NUP98: variants seen among roughly 807,000 people sequenced by gnomAD.
NUP98 encodes nucleoporin 98 and 96 precursor.
A neutral mutation model predicts 191.9 loss-of-function variants in NUP98; 26 were observed. The ratio of observed to expected loss-of-function variants is 0.14; its 90% CI spans 0.10 to 0.19. The LOEUF (loss-of-function observed/expected upper bound fraction) is 0.19, where lower values mean the gene tolerates loss of function less well. NUP98 is among the 10% of genes least tolerant of loss of function. The pLI, the probability that NUP98 is intolerant of heterozygous loss-of-function variation, is 1.00. For synonymous variants in NUP98, 808 were observed against 778.4 expected, an observed-to-expected ratio of 1.04 and a Z score of -0.63; for missense variants, 1,941 against 2,178.8, an observed-to-expected ratio of 0.89 and a Z score of 2.17.
rs943355357 is a variant in NUP98, at chr11:3,712,594, A to C, written c.2712T>G (p.Ala904=). Residue 904 remains alanine (A), a synonymous_variant, in exon 20 of 33, where the codon GCT becomes GCG. Transcript: ENST00000324932. ...GTGGAGGTGCAGGTTTGCCATTAAG[A>C]GCCATCTGCAAGGGCGTAGTCTGGC... ...PASQTTPLQM[A]LNGKPAPPPQ... is the part of the protein sequence containing the mutation. The C allele has an allele frequency of 6.2e-7, 1 of 1,614,090 alleles. No individual in the cohort carries two copies. Among genetic ancestry groups the C allele is most frequent in the East Asian group, 2.2e-5 (1 of 44,884 alleles).
chr11:3,754,358 G>A (rs977796060), intron 10 of NUP98, among the ~76,000 whole-genome samples: 13 of 151,890 alleles, frequency 8.6e-5, no homozygotes, highest in Non-Finnish European at 1.5e-4. Context: ...CCCGGGAGAC[G>A]GGGGTTGCAG....
chr11:3,766,153 T>C lies in NUP98; in HGVS notation c.948+2428A>G, dbSNP rs111367763. Among the ~76,000 whole-genome samples the C allele has an allele frequency of 7.8e-3, 1,195 of 152,268 alleles. 18 individuals are homozygous for C. Among genetic ancestry groups the C allele is most frequent in the African/African-American group, 0.026 (1,069 of 41,552 alleles). ...ACTTTGGGAGTCCAAGGAGAGCAGA[T>C]TGTTCGAGCCCAGAAGCTCGAGACC... is the stretch of plus-strand genomic sequence containing the variant. On this transcript the variant is annotated intron_variant, in intron 8 of 32. Coordinates refer to ENST00000324932, the MANE Select transcript of NUP98 (RefSeq NM_016320.5).
chr11:3,691,309 G>A (rs1214330107), intron 28 of NUP98, 38 bp downstream of exon 28: 3 of 1,612,930 alleles, frequency 1.9e-6, no homozygotes, highest in Non-Finnish European at 2.5e-6. Flanking sequence ...GGGGCTCATG[G>A]AGCACTCAAG....
rs764313596 is a variant in NUP98, at chr11:3,762,948, G to A, written c.1040C>T (p.Thr347Ile). Reference sequence around the variant, plus strand: ...AGTATTGGTCTGCCCAAAGAGACCTGTTCCTGTTCCAAATGCTGTCCCAGT... The same window carrying A: ...AGTATTGGTCTGCCCAAAGAGACCTATTCCTGTTCCAAATGCTGTCCCAGT... ...TSTGTAFGTG[T>I]GLFGQTNTGF... The change falls in exon 9 of 33, where the codon ACA becomes ATA. Residue 347 changes from threonine to isoleucine, a missense_variant. Physicochemically the swap from Thr to Ile is moderately conservative, Grantham distance 89. Transcript: ENST00000324932. 5 of 1,614,108 alleles carry A rather than the reference G, an allele frequency of 3.1e-6. No homozygotes were observed.
At chr11:3,706,306 C>T in intron 21 of NUP98, 139 bp downstream of exon 21, 1 of 717,110 alleles carries the variant, frequency 1.4e-6, no homozygotes, top group South Asian at 1.8e-5. Context: ...CAGACATTGG[C>T]CATATTCTTG....
Position 3,784,596 on chromosome 11 carries a change from CAAAAAAAAA to C in NUP98, c.-28-2460_-28-2452del, listed in dbSNP as rs1195851151. Reference sequence around the variant, plus strand: ...GTCTCTATTAAAAACAAAAAAAAAACAAAAAAAAACAAAAAACATGGTGCACACCTGTAC... The same window carrying C: ...GTCTCTATTAAAAACAAAAAAAAAACCAAAAAACATGGTGCACACCTGTAC... On this transcript the variant is annotated intron_variant, in intron 1 of 32. Coordinates refer to ENST00000324932, the MANE Select transcript of NUP98 (RefSeq NM_016320.5). 5.6e-5 allele frequency among the ~76,000 whole-genome samples: 8 copies of C among 142,000 alleles called. 1 individual carries two copies. Among genetic ancestry groups the C allele is most frequent in the Non-Finnish European group, 1.1e-4 (7 of 65,498 alleles). The allele number at this position is 142,000 out of a possible 152,430, so 93.2% of individuals were successfully genotyped here. A position where few individuals can be genotyped will look rare whatever the true frequency, so the allele number is the denominator to read the frequency against.
At chr11:3,720,975 A>AGTGTGT (rs55984201) in intron 16 of NUP98, 150 bp from the exon 17 acceptor site, 73,118 of 323,090 alleles carry the variant, frequency 0.23, 6,176 homozygotes, top group Non-Finnish European at 0.24. Context: ...GGGGTGTGTG[A>AGTGTGT]GTGTGTGTGT....
chr11:3,760,663 A>T, intron 9 of NUP98, 37 bp from the exon 10 acceptor site: 1 of 1,569,152 alleles, frequency 6.4e-7, no homozygotes, highest in East Asian at 2.2e-5. Flanking sequence ...TTAAAATAAT[A>T]TTAAGACACA....
At chr11:3,749,973 T>C (rs571359738) in intron 11 of NUP98, among the ~76,000 whole-genome samples, 19 of 152,314 alleles carry the variant, frequency 1.2e-4, no homozygotes, top group African/African-American at 4.1e-4. Flanking sequence ...TCCAATTTGA[T>C]GTATCAATCC....
chr11:3,747,528 G>A lies in NUP98; in HGVS notation c.1268-2879C>T, dbSNP rs569712766. On this transcript the variant is annotated intron_variant, in intron 11 of 32. Coordinates refer to ENST00000324932, the MANE Select transcript of NUP98 (RefSeq NM_016320.5). ...TTGTTATGTCCATGAGTTAATGAAT[G>A]TTTCTTAGTCTCAACACATGGGGCG... 2.0e-5 allele frequency among the ~76,000 whole-genome samples: 3 copies of A among 152,248 alleles called. No individual in the cohort carries two copies. In the East Asian group the frequency reaches 5.8e-4, roughly 29 times the overall value.
chr11:3,748,666 CA>C (rs1564880504), intron 11 of NUP98, among the ~76,000 whole-genome samples: 2 of 151,406 alleles, frequency 1.3e-5, no homozygotes, highest in Non-Finnish European at 1.5e-5. Flanking sequence ...TTATTAACAA[CA>C]AAAAAAGAAA....
intron 12 of NUP98, among the ~76,000 whole-genome samples, chr11:3,740,077 C>A (rs1030313809): frequency 1.3e-5 from 2 of 152,144 alleles, no homozygotes; most frequent in African/African-American, 4.8e-5. Flanking sequence ...GGGGTCAGCA[C>A]CCCTAACCCT....
intron 14 of NUP98, among the ~76,000 whole-genome samples, chr11:3,726,591 T>A (rs1316732403): frequency 1.3e-5 from 2 of 150,844 alleles, no homozygotes; most frequent in East Asian, 3.9e-4. Context: ...AAATTTTAGT[T>A]ATTGAAATGA....
At chr11:3,794,606 C>T (rs552255098) in intron 1 of NUP98, among the ~76,000 whole-genome samples, 20 of 151,972 alleles carry the variant, frequency 1.3e-4, no homozygotes, top group East Asian at 3.9e-4. Flanking sequence ...GGATTACAGG[C>T]GTGAACCACC....
At chr11:3,712,425 A>T (rs557715562) in intron 20 of NUP98, 139 bp downstream of exon 20, 2 of 1,463,424 alleles carry the variant, frequency 1.4e-6, no homozygotes, top group South Asian at 2.9e-5. Context: ...CCTCCCTTGC[A>T]CTTGTTTCAA....
At chr11:3,770,774 C>T (rs1159777847) in intron 7 of NUP98, among the ~76,000 whole-genome samples, 1 of 152,166 alleles carries the variant, frequency 6.6e-6, no homozygotes, top group African/African-American at 2.4e-5. Context: ...TCATCTTTAA[C>T]TCCTCTTTCA....
In NUP98 at chr11:3,713,888, T is replaced by C. The variant is rs537424601; in HGVS notation, c.2507A>G (p.Glu836Gly). 6.2e-7 allele frequency: 1 copy of C among 1,614,166 alleles called. No individual in the cohort carries two copies. The highest frequency in any genetic ancestry group is 1.3e-5 in the African/African-American group (1 of 75,058). Residue 836 changes from glutamate to glycine, a missense_variant, in exon 19 of 33, where the codon GAA (glutamate) becomes GGA (glycine). Coordinates refer to ENST00000324932, the MANE Select transcript of NUP98 (RefSeq NM_016320.5). Reference sequence around the variant, plus strand: ...AGCTCCCTGTTTCCTTGAAACTGCTTCCAATCTTCCTTCATAGTTGATATC... The same window carrying C: ...AGCTCCCTGTTTCCTTGAAACTGCTCCCAATCTTCCTTCATAGTTGATATC... ...LADINYEGRL[E>G]AVSRKQGAQF...
At chr11:3,716,125 ATGT>A (rs1433900754) in intron 18 of NUP98, among the ~76,000 whole-genome samples, 1 of 151,860 alleles carries the variant, frequency 6.6e-6, no homozygotes, top group African/African-American at 2.4e-5. Context: ...ATACTTTTTG[ATGT>A]TATATCTGAG....
chr11:3,731,931 T>A (rs1466562308), intron 13 of NUP98, among the ~76,000 whole-genome samples: 1 of 152,206 alleles, frequency 6.6e-6, no homozygotes, highest in Non-Finnish European at 1.5e-5. Context: ...TTTTGGAGCA[T>A]TTTGGATTTT....
Sources: gnomAD v4.1 joint callset for allele counts (sites outside exome capture counted in the v4.1 genomes callset) on GRCh38, gnomAD v4.1.1 for gene constraint, MANE v1.5 for transcripts, NCBI Gene and HGNC (gene_info 2026-07-23, HGNC 2026-07-21) for gene names.